The following RPL19 variants were observed in gnomAD, a reference collection of about 807,000 sequenced individuals.
RPL19 encodes ribosomal protein L19.
RPL19 carries 2 observed loss-of-function variants against 25.1 expected under a neutral mutation model. The observed-to-expected ratio is 0.08, with a 90% CI of 0.03 to 0.25. The LOEUF is 0.25. RPL19 is among the 10% of genes least tolerant of loss of function. RPL19 has a pLI of 1.00. For synonymous variants in RPL19, 89 were observed against 91.2 expected (o/e 0.98, Z 0.14); for missense variants, 123 against 271.8 (o/e 0.45, Z 3.85).
chr17:39,201,766 TTCA>T (rs1291877056), intron 2 of RPL19, among the ~76,000 whole-genome samples: 1 of 151,964 alleles, frequency 6.6e-6, no homozygotes, highest in African/African-American at 2.4e-5. Context: ...GAGATGGGGT[TTCA>T]TCATGTTGGT....
In RPL19 at chr17:39,202,664, A is replaced by C. The variant is rs2046299304; in HGVS notation, c.235+225A>C. 3 of 615,528 alleles carry C rather than the reference A, an allele frequency of 4.9e-6. No individual in the cohort carries two copies. In the East Asian group the frequency reaches 8.6e-5, roughly 18 times the overall value. The allele number at this position is 615,528 out of a possible 1,614,324, so 38.1% of individuals were successfully genotyped here. On this transcript the variant is annotated intron_variant, in intron 3 of 5. Transcript: ENST00000225430. ...CTAAGTCCCTACCTACACTATGCCAAGGATTCTGTACTTTCTAGTTTCAGA... is the reference window on the plus strand; with the variant it reads ...CTAAGTCCCTACCTACACTATGCCACGGATTCTGTACTTTCTAGTTTCAGA...
At position 39,202,302 on chromosome 17, in the gene RPL19, A is replaced by T; in HGVS notation, c.113-15A>T. 6.2e-7 allele frequency: 1 copy of T among 1,612,980 alleles called. No homozygotes were observed. The highest frequency in any genetic ancestry group is 2.2e-5 in the East Asian group (1 of 44,864). ...GGGCCCCAGTTGACTGACCAGGTGC[A>T]TTATGCTTTCCCAGGTCAGCAGATC... On this transcript the variant is annotated splice_polypyrimidine_tract_variant and intron_variant, in intron 2 of 5. Coordinates refer to ENST00000225430, the MANE Select transcript of RPL19 (RefSeq NM_000981.4).
At chr17:39,200,870 C>A (rs1355926932) in intron 1 of RPL19, 4 of 620,852 alleles carry the variant, frequency 6.4e-6, no homozygotes, top group African/African-American at 3.9e-5. Context: ...GAGTAACTTG[C>A]CTGCATTCCT....
intron 3 of RPL19, 122 bp downstream of exon 3, chr17:39,202,561 G>A (rs2046298666): frequency 1.6e-6 from 2 of 1,266,524 alleles, no homozygotes; most frequent in Non-Finnish European, 1.1e-6. Flanking sequence ...TATTTGATGT[G>A]TTTTCTGCCT....
chr17:39,200,448 C>T, intron 1 of RPL19, 99 bp downstream of exon 1: 1 of 1,338,154 alleles, frequency 7.5e-7, no homozygotes, highest in Non-Finnish European at 9.7e-7. Context: ...AAATGGAGGC[C>T]GCCCTAAAGC....
intron 4 of RPL19, among the ~76,000 whole-genome samples, chr17:39,203,580 G>A (rs1567822435): frequency 6.6e-6 from 1 of 151,280 alleles, no homozygotes; most frequent in Admixed American, 6.6e-5. Context: ...GCACGATCTT[G>A]GTTCACTGCA....
rs781296338 is a variant in RPL19, at chr17:39,200,383, G to A, written c.5+34G>A. The A allele has an allele frequency of 3.1e-5, 48 of 1,548,760 alleles. 1 individual carries two copies. The highest frequency in any genetic ancestry group is 1.4e-4 in the South Asian group (12 of 83,160). On this transcript the variant is annotated intron_variant, in intron 1 of 5. Coordinates refer to ENST00000225430, the MANE Select transcript of RPL19 (RefSeq NM_000981.4). ...GAGCTGGTCTCCATCAGGCGCTGAC[G>A]CGTGTCGACAAGGGACTGTCGGTCT...
chr17:39,200,701 G>T, intron 1 of RPL19: 1 of 1,093,808 alleles, frequency 9.1e-7, no homozygotes, highest in Admixed American at 4.7e-5. Context: ...CGTGATGTAG[G>T]GCAAGCCTAG....
chr17:39,202,763 A>G lies in RPL19; in HGVS notation c.236-226A>G, dbSNP rs928365868. ...GCCTGTTACACCCACATTCTGCATGAAGTGAATGGGGAATTATTGCTGTAT... is the reference window on the plus strand; with the variant it reads ...GCCTGTTACACCCACATTCTGCATGGAGTGAATGGGGAATTATTGCTGTAT... On this transcript the variant is annotated intron_variant, in intron 3 of 5. Coordinates refer to ENST00000225430, the MANE Select transcript of RPL19 (RefSeq NM_000981.4). 41 of 512,512 alleles carry G rather than the reference A, an allele frequency of 8.0e-5. No homozygotes were observed. In the South Asian group the frequency reaches 1.0e-3, roughly 13 times the overall value. The allele number at this position is 512,512 out of a possible 1,614,324, so 31.7% of individuals were successfully genotyped here.
At chr17:39,200,483 G>T in intron 1 of RPL19, 134 bp downstream of exon 1, 1 of 1,319,894 alleles carries the variant, frequency 7.6e-7, no homozygotes. Flanking sequence ...TTTGGGGTAG[G>T]CCGGAGCACT....
intron 2 of RPL19, among the ~76,000 whole-genome samples, chr17:39,201,869 G>T (rs1295400020): frequency 6.6e-6 from 1 of 152,202 alleles, no homozygotes; most frequent in Non-Finnish European, 1.5e-5. Flanking sequence ...ACCACACCTA[G>T]CCTGGGTTGA....
At chr17:39,200,472 G>T in intron 1 of RPL19, 123 bp downstream of exon 1, 2 of 1,327,506 alleles carry the variant, frequency 1.5e-6, no homozygotes, top group Non-Finnish European at 1.9e-6. Context: ...CGGTCCCGGG[G>T]TTTGGGGTAG....
At chr17:39,203,472 C>T (rs1296139242) in intron 4 of RPL19, among the ~76,000 whole-genome samples, 2 of 150,490 alleles carry the variant, frequency 1.3e-5, no homozygotes, top group Admixed American at 1.3e-4. Context: ...TGAGCCACCA[C>T]GCGTGGCCCA....
intron 5 of RPL19, 35 bp from the exon 6 acceptor site, chr17:39,204,490 C>T (rs972696271): frequency 1.2e-6 from 2 of 1,612,902 alleles, no homozygotes; most frequent in Non-Finnish European, 1.7e-6. Flanking sequence ...CTCATCTCTT[C>T]CCAAACTGAC....
intron 2 of RPL19, 82 bp downstream of exon 2, chr17:39,201,401 T>A: frequency 1.5e-5 from 3 of 199,548 alleles, no homozygotes; most frequent in Non-Finnish European, 2.7e-5. Flanking sequence ...TTGTGTTGAC[T>A]TTTTTTTTTT....
At chr17:39,202,256 T>C in intron 2 of RPL19, 61 bp from the exon 3 acceptor site, 1 of 1,607,114 alleles carries the variant, frequency 6.2e-7, no homozygotes. Flanking sequence ...GCCTGGCCTA[T>C]TTGGACTCTG....
intron 4 of RPL19, 65 bp downstream of exon 4, chr17:39,203,174 ATTTT>A (rs59332263): frequency 0.013 from 7,480 of 590,890 alleles, 1 homozygote; most frequent in Non-Finnish European, 0.014. Context: ...TTTCCCAGAG[ATTTT>A]TTTTTTTTTT....
At position 39,200,312 on chromosome 17, in the gene RPL19, G is replaced by A. The variant is rs555035300; in HGVS notation, c.-33G>A. 6 of 1,539,004 alleles carry A rather than the reference G, an allele frequency of 3.9e-6. No homozygotes were observed. The highest frequency in any genetic ancestry group is 1.2e-5 in the South Asian group (1 of 82,458). On this transcript the variant is annotated 5_prime_UTR_variant, in exon 1 of 6. Coordinates refer to ENST00000225430, the MANE Select transcript of RPL19 (RefSeq NM_000981.4). ...ATAATGGGAGGAGCCGGGCCCGAGCGAGCTCTTTCCTTTCGCTGCTGCGGC... is the reference window on the plus strand; with the variant it reads ...ATAATGGGAGGAGCCGGGCCCGAGCAAGCTCTTTCCTTTCGCTGCTGCGGC...
At chr17:39,200,808 G>A in intron 1 of RPL19, 2 of 994,270 alleles carry the variant, frequency 2.0e-6, no homozygotes, top group South Asian at 4.0e-5. Context: ...TCTGCGAATA[G>A]CCGAACGAGG....
Sources: gnomAD v4.1 joint callset for allele counts (sites outside exome capture counted in the v4.1 genomes callset) on GRCh38, gnomAD v4.1.1 for gene constraint, MANE v1.5 for transcripts, NCBI Gene and HGNC (gene_info 2026-07-23, HGNC 2026-07-21) for gene names.